Variants in ARHGAP26 observed in about 807,000 individuals in gnomAD.
ARHGAP26 encodes the protein rho GTPase-activating protein 26.
A neutral mutation model predicts 104.8 loss-of-function variants in ARHGAP26; 38 were observed. That is an observed-to-expected ratio of 0.36 (90% CI 0.28 to 0.48). ARHGAP26 has a LOEUF of 0.48. Ranked by LOEUF, ARHGAP26 falls within the 20% of genes least tolerant of loss-of-function variation. The probability of loss-of-function intolerance (pLI) is 0.99; values close to 1 mark genes in which losing one functional copy is unlikely to be tolerated. For missense variants in ARHGAP26, 704 were observed against 947.9 expected, an observed-to-expected ratio of 0.74 and a Z score of 3.38; for synonymous variants, 341 against 340.0, an observed-to-expected ratio of 1.00 and a Z score of -0.03.
intron 20 of ARHGAP26, among the ~76,000 whole-genome samples, chr5:143,152,281 G>A (rs73798505): frequency 0.16 from 24,403 of 151,980 alleles, 2,308 homozygotes; most frequent in South Asian, 0.27. Flanking sequence ...CCAGTGTATC[G>A]CGTTAATGCA....
chr5:142,889,767 A>G (rs1758233564), intron 5 of ARHGAP26, among the ~76,000 whole-genome samples: 1 of 152,124 alleles, frequency 6.6e-6, no homozygotes, highest in East Asian at 1.9e-4. Flanking sequence ...AGGCCAGGAC[A>G]ATCTTCTTCA....
chr5:142,826,774 C>T (rs1767377985), intron 1 of ARHGAP26, among the ~76,000 whole-genome samples: 2 of 152,178 alleles, frequency 1.3e-5, no homozygotes, highest in Non-Finnish European at 2.9e-5. Context: ...GTGCCTATCT[C>T]CACCAAGCCC....
At chr5:143,100,076 A>C (rs1417669084) in intron 17 of ARHGAP26, among the ~76,000 whole-genome samples, 1 of 152,240 alleles carries the variant, frequency 6.6e-6, no homozygotes. Flanking sequence ...TTGAAGATAC[A>C]TGAAAGGCAG....
In ARHGAP26 at chr5:142,881,154, T is replaced by G. The variant is rs1478523410; in HGVS notation, c.384+1709T>G. On this transcript the variant is annotated intron_variant, in intron 4 of 22. Coordinates refer to ENST00000645722, the MANE Select transcript of ARHGAP26 (RefSeq NM_001135608.3). ...CTCCTCTTGGTGGCCTTGGGGCCTG[T>G]GCCTCCCCACTCTTGAACATGCTTG... Among the ~76,000 whole-genome samples, 4 of 152,354 alleles carry G rather than the reference T, an allele frequency of 2.6e-5. No individual in the cohort carries two copies. In the East Asian group the frequency reaches 7.7e-4, roughly 29 times the overall value.
intron 11 of ARHGAP26, among the ~76,000 whole-genome samples, chr5:142,942,566 A>C (rs1766520652): frequency 6.6e-6 from 1 of 152,164 alleles, no homozygotes. Flanking sequence ...ATAAATTTAG[A>C]AGTTAATGAA....
chr5:142,870,297 C>T (rs960161266), intron 1 of ARHGAP26, among the ~76,000 whole-genome samples: 1 of 152,186 alleles, frequency 6.6e-6, no homozygotes, highest in Non-Finnish European at 1.5e-5. Flanking sequence ...TGCTCCATAT[C>T]CAAGGTGAAA....
chr5:142,962,010 TA>T (rs1231357344), intron 11 of ARHGAP26, among the ~76,000 whole-genome samples: 1 of 152,196 alleles, frequency 6.6e-6, no homozygotes, highest in Non-Finnish European at 1.5e-5. Context: ...TTGTTTAAAA[TA>T]TCACTGACCC....
At chr5:142,964,599 G>A (rs577233034) in intron 11 of ARHGAP26, among the ~76,000 whole-genome samples, 1 of 151,512 alleles carries the variant, frequency 6.6e-6, no homozygotes, top group South Asian at 2.1e-4. Flanking sequence ...AAAAAAAACC[G>A]ATGTTAAGAA....
At chr5:142,954,547 T>C (rs1424693376) in intron 11 of ARHGAP26, among the ~76,000 whole-genome samples, 1 of 152,228 alleles carries the variant, frequency 6.6e-6, no homozygotes, top group Admixed American at 6.5e-5. Flanking sequence ...GGTTCCTTGT[T>C]AGTCCACACT....
chr5:143,180,158 C>T (rs1804096622), intron 20 of ARHGAP26, among the ~76,000 whole-genome samples: 1 of 152,070 alleles, frequency 6.6e-6, no homozygotes, highest in Non-Finnish European at 1.5e-5. Context: ...TGGAGTTGCA[C>T]TCTGTTGCCC....
intron 11 of ARHGAP26, among the ~76,000 whole-genome samples, chr5:142,949,165 C>G (rs252233): frequency 0.35 from 12,832 of 36,870 alleles, 2,218 homozygotes; most frequent in East Asian, 0.7. Flanking sequence ...GTTGAATTTC[C>G]AGAGAGAGAG....
intron 17 of ARHGAP26, among the ~76,000 whole-genome samples, chr5:143,115,345 C>T (rs1402250949): frequency 1.2e-5 from 1 of 84,570 alleles, no homozygotes; most frequent in East Asian, 2.7e-4. Flanking sequence ...AAAACAACAA[C>T]AACAACAAAA....
intron 20 of ARHGAP26, among the ~76,000 whole-genome samples, chr5:143,187,010 C>T (rs1805248436): frequency 6.6e-6 from 1 of 152,200 alleles, no homozygotes; most frequent in African/African-American, 2.4e-5. Context: ...ACAAGCCAAG[C>T]ATATTCTAAT....
At position 142,927,141 on chromosome 5, in the gene ARHGAP26, GC is replaced by G. The variant is rs1183955355; in HGVS notation, c.1029-4905del. Among the ~76,000 whole-genome samples, 3 of 152,148 alleles carry G rather than the reference GC, an allele frequency of 2.0e-5. No homozygotes were observed. The East Asian group carries it at 5.8e-4, about 29-fold the overall frequency. ...CCTAAGTTATTGATGAGAAGTCATA[GC>G]TCTTGGGTATTTAAAACGATTTTTA... is the stretch of plus-strand genomic sequence containing the variant. On this transcript the variant is annotated intron_variant, in intron 10 of 22. Coordinates refer to ENST00000645722, the MANE Select transcript of ARHGAP26 (RefSeq NM_001135608.3).
intron 20 of ARHGAP26, among the ~76,000 whole-genome samples, chr5:143,157,926 G>A (rs1800702176): frequency 6.6e-6 from 1 of 152,180 alleles, no homozygotes; most frequent in Admixed American, 6.5e-5. Context: ...ACTTGGGAAA[G>A]TTATTTGCTA....
chr5:142,975,720 A>C (rs1772976818), intron 11 of ARHGAP26, among the ~76,000 whole-genome samples: 1 of 152,148 alleles, frequency 6.6e-6, no homozygotes, highest in Non-Finnish European at 1.5e-5. Flanking sequence ...TGTATACTTT[A>C]TTACCCAGCG....
intron 1 of ARHGAP26, among the ~76,000 whole-genome samples, chr5:142,861,611 C>A (rs2152309724): frequency 6.6e-6 from 1 of 152,188 alleles, no homozygotes; most frequent in East Asian, 1.9e-4. Flanking sequence ...ATTGTCCTTT[C>A]ATTTTTACGC....
At chr5:142,955,124 A>ACC (rs869285548) in intron 11 of ARHGAP26, among the ~76,000 whole-genome samples, 2 of 149,034 alleles carry the variant, frequency 1.3e-5, no homozygotes, top group Non-Finnish European at 3.0e-5. Context: ...ACACACACAC[A>ACC]CCCCCCATCT....
In ARHGAP26 at chr5:143,042,928, TG is replaced by T. The variant is rs1262784849; in HGVS notation, c.1285+1041del. On this transcript the variant is annotated intron_variant, in intron 14 of 22. Transcript: ENST00000645722. Reference sequence around the variant, plus strand: ...GCGAGGTACTCTAGCAACGAGTATCTGGGTTTTTTTTGGTTAAGATTTGAAA... The same window carrying T: ...GCGAGGTACTCTAGCAACGAGTATCTGGTTTTTTTTGGTTAAGATTTGAAA... Among the ~76,000 whole-genome samples the T allele has an allele frequency of 3.9e-4, 60 of 152,330 alleles. 1 individual carries two copies. In the East Asian group the frequency reaches 0.011, roughly 27 times the overall value.
Sources: allele counts gnomAD v4.1 joint callset (sites outside exome capture counted in the v4.1 genomes callset), GRCh38; gene constraint gnomAD v4.1.1; transcripts MANE v1.5; gene names NCBI Gene and HGNC (gene_info 2026-07-23, HGNC 2026-07-21).